RIMS2: variants seen among roughly 807,000 people sequenced by gnomAD.
RIMS2 encodes regulating synaptic membrane exocytosis 2, also known as regulating synaptic membrane exocytosis protein 2.
A neutral mutation model predicts 174.4 loss-of-function variants in RIMS2; 59 were observed. That is an observed-to-expected ratio of 0.34 (90% CI 0.27 to 0.42). The LOEUF (loss-of-function observed/expected upper bound fraction) is 0.42. RIMS2 is among the 10% of genes least tolerant of loss of function. The pLI is 1.00. For missense variants in RIMS2, 1,620 were observed against 1,666.3 expected, an observed-to-expected ratio of 0.97 and a Z score of 0.48; for synonymous variants, 606 against 572.5, an observed-to-expected ratio of 1.06 and a Z score of -0.84.
chr8:104,144,717 T>C (rs1285938222), intron 19 of RIMS2, among the ~76,000 whole-genome samples: 1 of 152,162 alleles, frequency 6.6e-6, no homozygotes, highest in East Asian at 1.9e-4. Context: ...TCTGAACACA[T>C]AATTTTATTT....
intron 19 of RIMS2, among the ~76,000 whole-genome samples, chr8:104,179,239 T>C (rs2511640): frequency 0.24 from 36,991 of 151,948 alleles, 5,742 homozygotes; most frequent in South Asian, 0.4. Context: ...TTCTTGGTTA[T>C]ATTCTTATTT....
intron 4 of RIMS2, among the ~76,000 whole-genome samples, chr8:103,898,966 G>T (rs948449680): frequency 2.0e-5 from 3 of 150,486 alleles, no homozygotes; most frequent in Non-Finnish European, 2.9e-5. Flanking sequence ...GTGAGAACAT[G>T]CAGGGTTTGG....
At position 103,918,499 on chromosome 8, in the gene RIMS2, T is replaced by C. The variant is rs201925110; in HGVS notation, c.2083+12T>C. ...ACAACTGGAGTCCAGTAAGTTTTAT[T>C]TATGCTGGAAGAAAACGTTATTTAT... is the stretch of plus-strand genomic sequence containing the variant. On this transcript the variant is annotated intron_variant, in intron 9 of 23. Transcript: ENST00000504942. 6.3e-6 allele frequency: 10 copies of C among 1,586,364 alleles called. No individual in the cohort carries two copies. Among genetic ancestry groups the C allele is most frequent in the Non-Finnish European group, 8.7e-6 (10 of 1,155,348 alleles).
rs569697368 is a variant in RIMS2 at position 103,877,715 on chromosome 8, C to T, written c.699-7583C>T. The stretch of plus-strand genomic sequence containing the variant: ...CTTTGAATTACTTTGGCTATTGAGG[C>T]TCTTTTTTTTTGTTCTATGTGAACG... On this transcript the variant is annotated intron_variant, in intron 3 of 23. Transcript: ENST00000504942. Among the ~76,000 whole-genome samples the T allele has an allele frequency of 6.7e-4, 101 of 151,260 alleles. 5 individuals are homozygous for T. In the South Asian group the frequency reaches 0.021, roughly 31 times the overall value.
chr8:104,072,719 T>C (rs933046176), intron 19 of RIMS2, among the ~76,000 whole-genome samples: 16 of 152,198 alleles, frequency 1.1e-4, no homozygotes, highest in Admixed American at 6.5e-4. Context: ...TCTCAAGACT[T>C]CTGCATTGAT....
intron 2 of RIMS2, among the ~76,000 whole-genome samples, chr8:103,708,233 G>A (rs1356422255): frequency 6.6e-6 from 1 of 152,198 alleles, no homozygotes; most frequent in Non-Finnish European, 1.5e-5. Context: ...CTGTGGTGAA[G>A]TGGACCGGGA....
At chr8:104,153,194 CT>C (rs946099762) in intron 19 of RIMS2, among the ~76,000 whole-genome samples, 4 of 152,110 alleles carry the variant, frequency 2.6e-5, no homozygotes, top group African/African-American at 9.7e-5. Context: ...GGAAACTCAT[CT>C]TTTAAATCAC....
intron 1 of RIMS2, among the ~76,000 whole-genome samples, chr8:103,552,650 G>A (rs1409782401): frequency 6.6e-6 from 1 of 152,134 alleles, no homozygotes; most frequent in Non-Finnish European, 1.5e-5. Context: ...ACTACAGAGT[G>A]AACAGGCAAC....
intron 19 of RIMS2, among the ~76,000 whole-genome samples, chr8:104,133,256 A>G (rs905852411): frequency 1.3e-5 from 2 of 152,176 alleles, no homozygotes; most frequent in East Asian, 1.9e-4. Context: ...CACTGTGGCT[A>G]AAGAGTTGTT....
intron 19 of RIMS2, among the ~76,000 whole-genome samples, chr8:104,203,589 C>T (rs1200256157): frequency 6.0e-5 from 9 of 150,376 alleles, no homozygotes; most frequent in Non-Finnish European, 1.2e-4. Context: ...CTGCAACTTC[C>T]GCCTCTTGGG....
intron 19 of RIMS2, among the ~76,000 whole-genome samples, chr8:104,203,338 T>C (rs1056903546): frequency 2.0e-5 from 3 of 152,086 alleles, no homozygotes; most frequent in African/African-American, 7.2e-5. Context: ...AGTTATGTCG[T>C]GTCTCATAAA....
intron 1 of RIMS2, among the ~76,000 whole-genome samples, chr8:103,609,860 C>G (rs756395882): frequency 2.6e-5 from 4 of 152,054 alleles, no homozygotes; most frequent in Non-Finnish European, 5.9e-5. Flanking sequence ...TTTTCTAATT[C>G]TGTGAAGTAT....
intron 3 of RIMS2, among the ~76,000 whole-genome samples, chr8:103,826,137 A>G (rs968494350): frequency 6.6e-6 from 1 of 152,126 alleles, no homozygotes; most frequent in Non-Finnish European, 1.5e-5. Flanking sequence ...AAGTGAATTT[A>G]TATATATAAA....
At chr8:103,636,386 T>C (rs2096074011) in intron 1 of RIMS2, among the ~76,000 whole-genome samples, 1 of 152,130 alleles carries the variant, frequency 6.6e-6, no homozygotes, top group South Asian at 2.1e-4. Flanking sequence ...GAGCAGCTGC[T>C]CTGCCGAGAC....
At chr8:103,651,065 G>A (rs560927046) in intron 1 of RIMS2, among the ~76,000 whole-genome samples, 4 of 152,320 alleles carry the variant, frequency 2.6e-5, no homozygotes, top group East Asian at 1.9e-4. Context: ...CCGCTCTGCC[G>A]AAACCTCACA....
chr8:103,709,092 T>A (rs1009580495), intron 2 of RIMS2, among the ~76,000 whole-genome samples: 1 of 152,184 alleles, frequency 6.6e-6, no homozygotes, highest in Non-Finnish European at 1.5e-5. Flanking sequence ...TTTTTAATAA[T>A]CACAGACATT....
At chr8:103,879,421 A>AT (rs200766147) in intron 3 of RIMS2, among the ~76,000 whole-genome samples, 3,004 of 150,526 alleles carry the variant, frequency 0.02, 31 homozygotes, top group Non-Finnish European at 0.024. Flanking sequence ...GGGCAAATGG[A>AT]TTTTTTTTTC....
At chr8:104,111,495 C>T (rs1049496816) in intron 19 of RIMS2, among the ~76,000 whole-genome samples, 2 of 152,170 alleles carry the variant, frequency 1.3e-5, no homozygotes, top group Admixed American at 6.5e-5. Context: ...GCAACCTCTG[C>T]CTCACAGGTT....
At chr8:103,630,483 A>G (rs2095885052) in intron 1 of RIMS2, among the ~76,000 whole-genome samples, 1 of 151,660 alleles carries the variant, frequency 6.6e-6, no homozygotes, top group South Asian at 2.1e-4. Flanking sequence ...GATAGGAAAT[A>G]ATAGGAGAAT....
Sources: gnomAD v4.1 joint callset for allele counts (sites outside exome capture counted in the v4.1 genomes callset) on GRCh38, gnomAD v4.1.1 for gene constraint, MANE v1.5 for transcripts, NCBI Gene and HGNC (gene_info 2026-07-23, HGNC 2026-07-21) for gene names.